Variants in DDX11 observed in about 807,000 individuals in gnomAD.
The protein encoded by DDX11 is ATP-dependent DNA helicase DDX11.
A neutral mutation model predicts 125.2 loss-of-function variants in DDX11; 72 were observed. The observed-to-expected ratio is 0.58, with a 90% CI of 0.48 to 0.70. The LOEUF (loss-of-function observed/expected upper bound fraction) is 0.70. Ranked by LOEUF, DDX11 falls within the 30% of genes least tolerant of loss-of-function variation. The pLI, the probability that DDX11 is intolerant of heterozygous loss-of-function variation, is 0.00. For missense variants in DDX11, 883 were observed against 1,165.0 expected (o/e 0.76, Z 3.52); for synonymous variants, 347 against 452.6 (o/e 0.77, Z 2.96).
rs532964521 is a variant in DDX11, at chr12:31,091,983, G to T, written c.1242+112G>T. On this transcript the variant is annotated intron_variant, in intron 10 of 26. Coordinates refer to ENST00000542838, the MANE Select transcript of DDX11 (RefSeq NM_030653.4). ...CCTCCGGAGGTGGGGCTTGATAGAGGGTGCACGAGTCAAGGCGGTGACCTC... is the reference window on the plus strand; with the variant it reads ...CCTCCGGAGGTGGGGCTTGATAGAGTGTGCACGAGTCAAGGCGGTGACCTC... 3.8e-4 allele frequency: 570 copies of T among 1,488,798 alleles called. 3 individuals are homozygous for T. The African/African-American group carries it at 7.0e-3, about 18-fold the overall frequency. The allele number at this position is 1,488,798 out of a possible 1,614,324, so 92.2% of individuals were successfully genotyped here.
At chr12:31,088,509 G>T (rs1455163184) in intron 6 of DDX11, among the ~76,000 whole-genome samples, 1 of 152,206 alleles carries the variant, frequency 6.6e-6, no homozygotes, top group Non-Finnish European at 1.5e-5. Flanking sequence ...TATGGGTTGT[G>T]TATGGTCTGA....
Position 31,084,035 on chromosome 12 carries a change from G to C in DDX11, c.367G>C (p.Glu123Gln). The change falls in exon 3 of 27, where the codon GAG becomes CAG. Residue 123 changes from glutamate (E) to glutamine (Q), a missense_variant. Coordinates refer to ENST00000542838, the MANE Select transcript of DDX11 (RefSeq NM_030653.4). ...WVTQFVQKKE[E>Q]RDLVDRLKAE... The stretch of plus-strand genomic sequence containing the variant: ...TACTCAGTTTGTGCAGAAGAAAGAA[G>C]AGAGGGACCTGGTGGACCGACTAAA... 2 of 1,613,962 alleles carry C rather than the reference G, an allele frequency of 1.2e-6. No homozygotes were observed. The highest frequency in any genetic ancestry group is 4.5e-5 in the East Asian group (2 of 44,880).
At position 31,103,894 on chromosome 12, in the gene DDX11, C is replaced by A; in HGVS notation, c.*58C>A. On this transcript the variant is annotated 3_prime_UTR_variant, in exon 27 of 27. Coordinates refer to ENST00000542838, the MANE Select transcript of DDX11 (RefSeq NM_030653.4). ...CTTCCTTTGTCCTGCCCGCTGGAGA[C>A]AGTGTTTGTCGTGGGCGTGGTCTGC... 6.2e-7 allele frequency: 1 copy of A among 1,613,946 alleles called. No individual in the cohort carries two copies.
At chr12:31,084,774 C>G in intron 4 of DDX11, 105 bp downstream of exon 4, 2 of 1,136,808 alleles carry the variant, frequency 1.8e-6, no homozygotes, top group Non-Finnish European at 1.3e-6. Context: ...CCGTGACCCT[C>G]ACTGGCTATG....
intron 20 of DDX11, chr12:31,101,500 G>A (rs1946374020): frequency 4.0e-6 from 2 of 497,246 alleles, no homozygotes; most frequent in Admixed American, 3.3e-5. Flanking sequence ...TGCCTGGGGT[G>A]TGCAGCCCCT....
At chr12:31,095,588 C>T (rs1014157513) in intron 14 of DDX11, among the ~76,000 whole-genome samples, 5 of 152,190 alleles carry the variant, frequency 3.3e-5, no homozygotes, top group Admixed American at 2.0e-4. Context: ...CTGTCACTGC[C>T]GCCATCCCTG....
intron 2 of DDX11, among the ~76,000 whole-genome samples, chr12:31,082,137 C>T (rs1172944221): frequency 7.7e-6 from 1 of 129,364 alleles, no homozygotes; most frequent in Admixed American, 8.3e-5. Context: ...TCAACAATGT[C>T]ATTCTATCCT....
intron 11 of DDX11, 104 bp from the exon 12 acceptor site, chr12:31,093,141 G>T: frequency 7.7e-7 from 1 of 1,294,272 alleles, no homozygotes; most frequent in Non-Finnish European, 1.1e-6. Context: ...TTTGTAGCTT[G>T]TGACCCAGTT....
chr12:31,093,742 A>AAAAAAAAAAAG (rs1944702795), intron 12 of DDX11: 1 of 208,398 alleles, frequency 4.8e-6, no homozygotes, highest in Non-Finnish European at 9.3e-6. Context: ...AAAAAAAAAA[A>AAAAAAAAAAAG]AAGAAGGGTC....
rs757456390 is a variant in DDX11 at position 31,101,019 on chromosome 12, C to A, written c.1949-8C>A. 1.9e-6 allele frequency: 3 copies of A among 1,612,046 alleles called. No homozygotes were observed. The highest frequency in any genetic ancestry group is 3.3e-5 in the Admixed American group (2 of 60,010). On this transcript the variant is annotated splice_region_variant and splice_polypyrimidine_tract_variant and intron_variant, in intron 19 of 26. Transcript: ENST00000542838. ...TCCAGTTTTCGGCCCCTCCCTGGCT[C>A]TTACCAGGTCACGTGATCCCTCCAG...
intron 10 of DDX11, among the ~76,000 whole-genome samples, chr12:31,092,471 C>T (rs1944411219): frequency 6.6e-6 from 1 of 152,198 alleles, no homozygotes; most frequent in Admixed American, 6.5e-5. Context: ...ACCAGCTCTA[C>T]TGACCTGTGC....
rs373493350 is a variant in DDX11 at position 31,101,170 on chromosome 12, A to G, written c.2052+40A>G. 21 of 1,582,890 alleles carry G rather than the reference A, an allele frequency of 1.3e-5. No homozygotes were observed. In the African/African-American group the frequency reaches 2.2e-4, roughly 16 times the overall value. ...GCTCGCCGCACCACAGCCTGGCCTC[A>G]GGCAGCAAAGGGTTTTCTGGGGCAG... On this transcript the variant is annotated intron_variant, in intron 20 of 26. Coordinates refer to ENST00000542838, the MANE Select transcript of DDX11 (RefSeq NM_030653.4).
chr12:31,085,183 A>G (rs1592639258), intron 5 of DDX11, 57 bp downstream of exon 5: 3 of 1,536,060 alleles, frequency 2.0e-6, no homozygotes, highest in East Asian at 2.5e-5. Flanking sequence ...CCTTGAAGAC[A>G]GCTCTTTCCC....
At chr12:31,099,076 CTTTCTTTCTTTTTT>C (rs1322758817) in intron 18 of DDX11, among the ~76,000 whole-genome samples, 2 of 60,556 alleles carry the variant, frequency 3.3e-5, no homozygotes, top group Admixed American at 4.5e-4. Flanking sequence ...GTATTTCTTT[CTTTCTTTCTTTTTT>C]TTTTTTTTTT....
intron 4 of DDX11, 90 bp from the exon 5 acceptor site, chr12:31,084,879 G>A (rs1942781649): frequency 1.3e-6 from 2 of 1,498,302 alleles, no homozygotes; most frequent in Non-Finnish European, 1.8e-6. Context: ...TGTGAATGGG[G>A]CGTGGTGTGC....
Position 31,089,408 on chromosome 12 carries a change from T to G in DDX11, c.798T>G (p.Leu266=). 6.2e-7 allele frequency: 1 copy of G among 1,613,914 alleles called. No homozygotes were observed. Among genetic ancestry groups the G allele is most frequent in the South Asian group, 1.1e-5 (1 of 91,076 alleles). The part of the protein sequence containing the change: ...RLVSLGSRQN[L]CVNEDVKSLG... Reference sequence around the variant, plus strand: ...TTCTTTCTCCTTTGCTGCAGAACCTTTGTGTAAATGAAGACGTGAAAAGCC... The same window carrying G: ...TTCTTTCTCCTTTGCTGCAGAACCTGTGTGTAAATGAAGACGTGAAAAGCC... Residue 266 remains leucine, a synonymous_variant, in exon 8 of 27, where the codon CTT becomes CTG. Coordinates refer to ENST00000542838, the MANE Select transcript of DDX11 (RefSeq NM_030653.4).
At chr12:31,102,023 T>C in intron 21 of DDX11, 41 bp downstream of exon 21, 2 of 1,601,188 alleles carry the variant, frequency 1.2e-6, no homozygotes, top group East Asian at 4.5e-5. Context: ...GTGAGGACAG[T>C]GCCACTGAGT....
At position 31,084,776 on chromosome 12, in the gene DDX11, C is replaced by T. The variant is rs771363981; in HGVS notation, c.480+107C>T. ...CTTGGTCTCCCCTCCGTGACCCTCA[C>T]TGGCTATGTGCTCCCGTACAGAAGC... On this transcript the variant is annotated intron_variant, in intron 4 of 26. Transcript: ENST00000542838. 9.8e-6 allele frequency: 11 copies of T among 1,123,400 alleles called. No homozygotes were observed. In the South Asian group the frequency reaches 1.3e-4, roughly 14 times the overall value. 69.6% of individuals were successfully genotyped at this position (1,123,400 alleles called of 1,614,324 possible).
At chr12:31,092,060 G>A (rs557641031) in intron 10 of DDX11, among the ~76,000 whole-genome samples, 189 bp downstream of exon 10, 1 of 152,372 alleles carries the variant, frequency 6.6e-6, no homozygotes, top group South Asian at 2.1e-4. Flanking sequence ...CGCTATGACA[G>A]AGTGCCTCAT....
Sources: allele counts gnomAD v4.1 joint callset (sites outside exome capture counted in the v4.1 genomes callset), GRCh38; gene constraint gnomAD v4.1.1; transcripts MANE v1.5; gene names NCBI Gene and HGNC (gene_info 2026-07-23, HGNC 2026-07-21).